MPP2: variants seen among roughly 807,000 people sequenced by gnomAD.
MPP2 encodes the protein MAGUK p55 subfamily member 2.
In MPP2, 42 loss-of-function variants were observed where a neutral mutation model predicts 58.5. That is an observed-to-expected ratio of 0.72 (90% CI 0.56 to 0.93). The LOEUF is 0.93. Among genes scored for constraint, MPP2 ranks in the 40% least tolerant of loss-of-function variants. The pLI is 0.00. For missense variants in MPP2, 632 were observed against 760.4 expected (o/e 0.83, Z 1.99); for synonymous variants, 300 against 307.8 (o/e 0.97, Z 0.26).
At chr17:43,889,360 C>CT (rs397748293) in intron 3 of MPP2, among the ~76,000 whole-genome samples, 2,667 of 135,138 alleles carry the variant, frequency 0.02, 104 homozygotes, top group African/African-American at 0.056. Context: ...AAATCACCAT[C>CT]TTTTTTTTTT....
At position 43,879,119 on chromosome 17, in the gene MPP2, A is replaced by G. The variant is rs1189115424; in HGVS notation, c.1482+156T>C. Among the ~76,000 whole-genome samples, 1 of 151,894 alleles carries G rather than the reference A, an allele frequency of 6.6e-6. No individual in the cohort carries two copies. Among genetic ancestry groups the G allele is most frequent in the Non-Finnish European group, 1.5e-5 (1 of 67,968 alleles). On this transcript the variant is annotated intron_variant, in intron 12 of 12. Coordinates refer to ENST00000269095, the MANE Select transcript of MPP2 (RefSeq NM_005374.5). This position sits in a 1 kb window ranked among gnomAD's most constrained non-coding sequence, Gnocchi z 4.1. ...CTTCCTCTCTCAGACCTCCCCTTCC[A>G]CATCTATGCAGGGGGGACCACGTCC...
intron 5 of MPP2, 45 bp from the exon 6 acceptor site, chr17:43,882,556 G>A (rs2047183180): frequency 1.3e-6 from 2 of 1,570,898 alleles, no homozygotes; most frequent in Admixed American, 1.7e-5. Context: ...ATTGCTCCAA[G>A]TCAGAATCTT....
chr17:43,900,737 C>A (rs966401248), intron 2 of MPP2: 4 of 1,140,396 alleles, frequency 3.5e-6, no homozygotes, highest in Admixed American at 3.0e-5. Flanking sequence ...ACTGGCGCTG[C>A]GCGGTGCAGA....
At chr17:43,881,730 C>T in intron 6 of MPP2, 141 bp from the exon 7 acceptor site, 1 of 1,123,964 alleles carries the variant, frequency 8.9e-7, no homozygotes, top group Non-Finnish European at 1.2e-6. Context: ...TCCAGGCCTG[C>T]CCATGCTCCT....
At chr17:43,897,597 G>T (rs1382844953) in intron 3 of MPP2, among the ~76,000 whole-genome samples, 1 of 152,080 alleles carries the variant, frequency 6.6e-6, no homozygotes. Flanking sequence ...TGCACAGCTC[G>T]CATTGTCTTA....
intron 1 of MPP2, among the ~76,000 whole-genome samples, chr17:43,905,893 C>T (rs2048268588): frequency 6.6e-6 from 1 of 152,144 alleles, no homozygotes; most frequent in South Asian, 2.1e-4. Flanking sequence ...TTCCTCCCAG[C>T]TCTGCCGCTG....
intron 3 of MPP2, among the ~76,000 whole-genome samples, chr17:43,892,716 G>A (rs1385758282): frequency 1.3e-5 from 2 of 152,096 alleles, no homozygotes; most frequent in African/African-American, 2.4e-5. Context: ...CTACAAATCC[G>A]GAACCATACC....
Position 43,880,876 on chromosome 17 carries a change from CT to C in MPP2, c.989-25del. 1 of 1,582,252 alleles carries C rather than the reference CT, an allele frequency of 6.3e-7. No individual in the cohort carries two copies. The highest frequency in any genetic ancestry group is 8.6e-7 in the Non-Finnish European group (1 of 1,161,332). On this transcript the variant is annotated intron_variant, in intron 9 of 12. Transcript: ENST00000269095. The surrounding 1 kb of genome is among the most constrained non-coding windows in gnomAD (Gnocchi z 5.2). ...CTCTGGACACAGGGAGATGGCGCTG[CT>C]CACCAGGCTGCACGGTGAGGGAGGG...
At chr17:43,893,411 C>A (rs2047688607) in intron 3 of MPP2, among the ~76,000 whole-genome samples, 2 of 152,206 alleles carry the variant, frequency 1.3e-5, no homozygotes, top group Non-Finnish European at 1.5e-5. Context: ...ATGTTCACTG[C>A]AGCACTGTTT....
upstream of MPP2, among the ~76,000 whole-genome samples, chr17:43,908,673 C>A (rs1259814842): frequency 3.3e-5 from 5 of 152,198 alleles, no homozygotes; most frequent in Admixed American, 6.5e-5. Context: ...TGCAACACCG[C>A]ACTCCAGCCT....
intron 3 of MPP2, among the ~76,000 whole-genome samples, chr17:43,889,809 TTTTTTTTG>T (rs201154905): frequency 0.68 from 79,980 of 117,968 alleles, 25,822 homozygotes; most frequent in East Asian, 0.92. Flanking sequence ...AAATGCGTTT[TTTTTTTTG>T]TTTTTTTTTT....
At chr17:43,897,940 C>T (rs2047917223) in intron 3 of MPP2, among the ~76,000 whole-genome samples, 2 of 152,216 alleles carry the variant, frequency 1.3e-5, no homozygotes, top group African/African-American at 2.4e-5. Context: ...ACACACAAAA[C>T]GCCCAAAGGC....
In MPP2 at chr17:43,879,447, G is replaced by C; in HGVS notation, c.1354-44C>G. ...AGGTAGGGAGTATATCCCCATGTCTGTCCTAGGAACCAGAGAAAGGCTGTG... is the reference window on the plus strand; with the variant it reads ...AGGTAGGGAGTATATCCCCATGTCTCTCCTAGGAACCAGAGAAAGGCTGTG... On this transcript the variant is annotated intron_variant, in intron 11 of 12. Transcript: ENST00000269095. This position sits in a 1 kb window ranked among gnomAD's most constrained non-coding sequence, Gnocchi z 4.1. The C allele has an allele frequency of 6.2e-7, 1 of 1,606,974 alleles. No homozygotes were observed. Among genetic ancestry groups the C allele is most frequent in the Non-Finnish European group, 8.5e-7 (1 of 1,174,800 alleles).
Position 43,881,288 on chromosome 17 carries a change from C to T in MPP2, c.875G>A (p.Arg292Gln), listed in dbSNP as rs928409671. ...LIPSQLLEEK[R>Q]KAFVKRDLEL... ...CAGGTCCCTCTTGACAAATGCTTTC[C>T]GCTTCTCCTCCAGCAGCTGGCTGGG... The change falls in exon 8 of 13, where the codon CGG becomes CAG. Residue 292 changes from arginine (R) to glutamine (Q), a missense_variant. Physicochemically the swap from Arg to Gln is conservative, Grantham distance 43. Transcript: ENST00000269095. 4.3e-6 allele frequency: 7 copies of T among 1,614,058 alleles called. No individual in the cohort carries two copies. The highest frequency in any genetic ancestry group is 1.1e-5 in the South Asian group (1 of 91,076).
intron 8 of MPP2, 31 bp downstream of exon 8, chr17:43,881,213 T>C (rs769515223): frequency 1.9e-6 from 3 of 1,613,316 alleles, no homozygotes; most frequent in Non-Finnish European, 2.5e-6. Flanking sequence ...GGATCCCAGA[T>C]TGGAGGTGTG....
chr17:43,878,469 G>A (rs1189967773), intron 12 of MPP2, among the ~76,000 whole-genome samples: 1 of 152,150 alleles, frequency 6.6e-6, no homozygotes, highest in African/African-American at 2.4e-5. Context: ...GTGGAAGCTG[G>A]ATGGGCAGGG....
intron 2 of MPP2, 41 bp from the exon 3 acceptor site, chr17:43,898,421 TG>T (rs2047942836): frequency 1.3e-6 from 2 of 1,483,510 alleles, no homozygotes; most frequent in African/African-American, 1.4e-5. Flanking sequence ...AGGTACCAGC[TG>T]GGTACAGAAG....
At chr17:43,889,522 C>T (rs763878014) in intron 3 of MPP2, among the ~76,000 whole-genome samples, 7 of 151,572 alleles carry the variant, frequency 4.6e-5, no homozygotes, top group East Asian at 2.0e-4. Context: ...CCAACACACC[C>T]GGCTAATTTT....
chr17:43,900,629 G>T (rs1048342215), intron 2 of MPP2: 1 of 1,455,556 alleles, frequency 6.9e-7, no homozygotes, highest in Non-Finnish European at 9.1e-7. Context: ...AAGCCTGGCC[G>T]GGCTGGGGAA....
Sources: allele counts gnomAD v4.1 joint callset (sites outside exome capture counted in the v4.1 genomes callset), GRCh38; gene constraint gnomAD v4.1.1; non-coding constraint Gnocchi (gnomAD v3.1); transcripts MANE v1.5; gene names NCBI Gene and HGNC (gene_info 2026-07-23, HGNC 2026-07-21).